TMEM161B: variants seen among roughly 807,000 people sequenced by gnomAD.
The protein encoded by TMEM161B is transmembrane protein 161B.
In TMEM161B, 34 loss-of-function variants were observed where a neutral mutation model predicts 61.8. The ratio of observed to expected loss-of-function variants is 0.55; its 90% CI spans 0.42 to 0.73. The LOEUF (loss-of-function observed/expected upper bound fraction) is 0.73, where lower values mean the gene tolerates loss of function less well. TMEM161B is among the 30% of genes least tolerant of loss of function. The pLI is 0.00. For missense variants in TMEM161B, 456 were observed against 558.5 expected (o/e 0.82, Z 1.85); for synonymous variants, 167 against 192.8 (o/e 0.87, Z 1.11).
At chr5:88,191,142 C>T (rs1485660738), downstream of TMEM161B, among the ~76,000 whole-genome samples, 2 of 152,214 alleles carry the variant, frequency 1.3e-5, no homozygotes, top group African/African-American at 4.8e-5. Context: ...GACCACAAAT[C>T]TCCTTAGTTT....
At chr5:88,208,055 A>G (rs980690090) in intron 5 of TMEM161B, among the ~76,000 whole-genome samples, 1 of 152,282 alleles carries the variant, frequency 6.6e-6, no homozygotes, top group African/African-American at 2.4e-5. Context: ...CAAACAAACA[A>G]AAAACAACTG....
rs562461010 is a variant in TMEM161B at position 88,225,841 on chromosome 5, T to G, written c.217A>C (p.Lys73Gln). The change falls in exon 4 of 12, where the codon AAG becomes CAG. Residue 73 changes from lysine (K) to glutamine (Q), a missense_variant. Lys to Gln is a moderately conservative substitution (Grantham distance 53). This residue lies in a region of TMEM161B where 85 missense variants were observed against 111.2 expected (regional missense o/e 0.76). Transcript: ENST00000296595. ...ATATCCTTTGGAATGGTTAATGGCT[T>G]ACTTTCAATGTGACCATTATATTTC... The part of the protein sequence containing the change: ...DRKYNGHIES[K>Q]PLTIPKDIDL... 6.2e-7 allele frequency: 1 copy of G among 1,610,088 alleles called. No homozygotes were observed. The highest frequency in any genetic ancestry group is 1.7e-5 in the Admixed American group (1 of 59,450).
At chr5:88,268,414 C>T (rs1034870087) in intron 1 of TMEM161B, among the ~76,000 whole-genome samples, 2 of 152,172 alleles carry the variant, frequency 1.3e-5, no homozygotes, top group African/African-American at 4.8e-5. Flanking sequence ...GCAAGGTCAA[C>T]TCTGGGATCA....
intron 1 of TMEM161B, among the ~76,000 whole-genome samples, chr5:88,254,846 A>C (rs1318776366): frequency 1.3e-5 from 2 of 152,030 alleles, no homozygotes; most frequent in Non-Finnish European, 2.9e-5. Context: ...TAACTGTAAA[A>C]AAAATTTTAA....
At chr5:88,186,902 C>G (rs1013421562), downstream of TMEM161B, among the ~76,000 whole-genome samples, 1 of 135,264 alleles carries the variant, frequency 7.4e-6, no homozygotes, top group Non-Finnish European at 1.6e-5. Context: ...GACTCTGTCT[C>G]AAACAACAAC....
In TMEM161B at chr5:88,240,852, G is replaced by A. The variant is rs966018051; in HGVS notation, c.68C>T (p.Pro23Leu). Residue 23 changes from proline to leucine, a missense_variant, in exon 2 of 12, where the codon CCT (proline) becomes CTT (leucine). By Grantham distance (98) the Pro-to-Leu change is moderately conservative (BLOSUM62 -3). Transcript: ENST00000296595. ...TAGCCATCGAGCAAGAGAATAGTGAGGTATAATCTTCTGCATGACACTGGC... is the reference window on the plus strand; with the variant it reads ...TAGCCATCGAGCAAGAGAATAGTGAAGTATAATCTTCTGCATGACACTGGC... ...VMASVMQKII[P>L]HYSLARWLLC... 1 of 1,611,508 alleles carries A rather than the reference G, an allele frequency of 6.2e-7. No homozygotes were observed. Among genetic ancestry groups the A allele is most frequent in the Non-Finnish European group, 8.5e-7 (1 of 1,178,372 alleles).
chr5:88,215,862 G>A (rs1747732969), intron 5 of TMEM161B, among the ~76,000 whole-genome samples: 2 of 152,180 alleles, frequency 1.3e-5, no homozygotes, highest in African/African-American at 4.8e-5. Context: ...TGGTACATAT[G>A]TATCAAGGGC....
chr5:88,230,967 A>G (rs1364039625), intron 2 of TMEM161B, among the ~76,000 whole-genome samples: 1 of 152,128 alleles, frequency 6.6e-6, no homozygotes. Flanking sequence ...CTGGAAATTA[A>G]GTTGGATCAT....
At chr5:88,192,540 T>C (rs575139292), downstream of TMEM161B, among the ~76,000 whole-genome samples, 143 of 152,340 alleles carry the variant, frequency 9.4e-4, 1 homozygote, top group African/African-American at 3.3e-3. Context: ...AGAGTCTTCA[T>C]GGCACATAAC....
chr5:88,233,247 C>T (rs746842352), intron 2 of TMEM161B, among the ~76,000 whole-genome samples: 2 of 152,034 alleles, frequency 1.3e-5, no homozygotes, highest in Non-Finnish European at 2.9e-5. Context: ...AATTGTCATA[C>T]CACATGAAAG....
chr5:88,201,829 G>A (rs766500860), intron 9 of TMEM161B: 5 of 162,108 alleles, frequency 3.1e-5, no homozygotes, highest in Non-Finnish European at 6.8e-5. Flanking sequence ...TACTTTTTCA[G>A]TGGCTATTTC....
At chr5:88,206,536 T>C in intron 6 of TMEM161B, 37 bp from the exon 7 acceptor site, 2 of 1,478,548 alleles carry the variant, frequency 1.4e-6, no homozygotes, top group South Asian at 1.3e-5. Flanking sequence ...AGATTACTCT[T>C]ATCACAAATG....
At position 88,268,829 on chromosome 5, in the gene TMEM161B, G is replaced by C. The variant is rs374529022; in HGVS notation, c.-106C>G. On this transcript the variant is annotated 5_prime_UTR_variant, in exon 1 of 12. Coordinates refer to ENST00000296595, the MANE Select transcript of TMEM161B (RefSeq NM_153354.5). ...CGAGAGACTCTCAAACAGCGAAAGA[G>C]AGGGTCTTCCGGCTCTGCCGGAAGT... 2,898 of 1,584,470 alleles carry C rather than the reference G, an allele frequency of 1.8e-3. 81 individuals are homozygous for C. The South Asian group carries it at 0.031, about 17-fold the overall frequency.
At chr5:88,217,621 C>A (rs1413148283) in intron 5 of TMEM161B, among the ~76,000 whole-genome samples, 1 of 151,978 alleles carries the variant, frequency 6.6e-6, no homozygotes, top group Admixed American at 6.6e-5. Flanking sequence ...GAAATAAGTA[C>A]TAATGAAATT....
chr5:88,266,061 A>T (rs1033075747), intron 1 of TMEM161B, among the ~76,000 whole-genome samples: 6 of 152,236 alleles, frequency 3.9e-5, no homozygotes, highest in Admixed American at 3.9e-4. Context: ...TGTCTTCACA[A>T]CAACTTGAAA....
downstream of TMEM161B, among the ~76,000 whole-genome samples, chr5:88,188,190 C>T (rs7712097): frequency 0.53 from 80,124 of 151,730 alleles, 22,839 homozygotes; most frequent in East Asian, 0.78. Flanking sequence ...CTGCAACCTC[C>T]GCCTCCCAGG....
At chr5:88,241,008 T>C in intron 1 of TMEM161B, 92 bp from the exon 2 acceptor site, 1 of 854,318 alleles carries the variant, frequency 1.2e-6, no homozygotes, top group Non-Finnish European at 1.7e-6. Flanking sequence ...AAAATTACAT[T>C]TTAAGAAAAA....
At chr5:88,236,856 GA>G (rs537643262) in intron 2 of TMEM161B, among the ~76,000 whole-genome samples, 416 of 152,144 alleles carry the variant, frequency 2.7e-3, no homozygotes, top group Non-Finnish European at 4.6e-3. Context: ...AGTATGGCTT[GA>G]AAAACAAAAT....
At chr5:88,193,557 T>C (rs1229907871), downstream of TMEM161B, among the ~76,000 whole-genome samples, 2 of 152,144 alleles carry the variant, frequency 1.3e-5, no homozygotes, top group Non-Finnish European at 2.9e-5. Flanking sequence ...TTACTTAAAA[T>C]ACTTGGTTTG....
Sources: gnomAD v4.1 joint callset for allele counts (sites outside exome capture counted in the v4.1 genomes callset) on GRCh38, gnomAD v4.1.1 for gene constraint, gnomAD v4.1.1 regional missense constraint, MANE v1.5 for transcripts, NCBI Gene and HGNC (gene_info 2026-07-23, HGNC 2026-07-21) for gene names.